Variants in LRP3 observed in about 807,000 individuals in gnomAD.
The protein encoded by LRP3 is LDL receptor related protein 3, also known as low-density lipoprotein receptor-related protein 3.
LRP3 carries 49 observed loss-of-function variants against 58.5 expected under a neutral mutation model. That is an observed-to-expected ratio of 0.84 (90% CI 0.67 to 1.06). LRP3 has a LOEUF of 1.06. Among genes scored for constraint, LRP3 ranks in the 50% least tolerant of loss-of-function variants. The pLI is 0.00. For synonymous variants in LRP3, 485 were observed against 492.2 expected (o/e 0.99, Z 0.20); for missense variants, 1,019 against 1,134.2 (o/e 0.90, Z 1.46).
At chr19:33,197,778 C>T (rs531861225) in intron 2 of LRP3, among the ~76,000 whole-genome samples, 4 of 152,254 alleles carry the variant, frequency 2.6e-5, no homozygotes, top group East Asian at 1.9e-4. Context: ...AGAAAGGACC[C>T]GGAGCTGTCA....
chr19:33,202,393 C>T (rs1974350297), intron 2 of LRP3, among the ~76,000 whole-genome samples: 4 of 152,214 alleles, frequency 2.6e-5, no homozygotes, highest in Admixed American at 2.6e-4. Context: ...GTAGTAGGTG[C>T]TCAGTAAATA....
intron 2 of LRP3, among the ~76,000 whole-genome samples, chr19:33,200,621 C>T (rs752977916): frequency 2.6e-5 from 4 of 152,200 alleles, no homozygotes; most frequent in African/African-American, 4.8e-5. Context: ...TAGCCTCACC[C>T]GGCAAAGGGA....
At position 33,205,774 on chromosome 19, in the gene LRP3, G is replaced by A. The variant is rs765351191; in HGVS notation, c.1004G>A (p.Ser335Asn). 4.4e-6 allele frequency: 7 copies of A among 1,588,564 alleles called. No homozygotes were observed. Among genetic ancestry groups the A allele is most frequent in the Non-Finnish European group, 6.0e-6 (7 of 1,171,014 alleles). ...TACCGCAGCAACCACCGGCCCGTGA[G>A]CCTGGAGGCCGCCCAGGGCCGCCTC... The part of the protein sequence containing the change: ...LSYRSNHRPV[S>N]LEAAQGRLTV... Residue 335 changes from serine (S) to asparagine (N), a missense_variant, in exon 5 of 7, where the codon AGC becomes AAC. Around this residue, in one of 2 missense-constraint regions of LRP3, gnomAD observed 592 missense variants for 725.5 expected, o/e 0.82. Transcript: ENST00000253193.
At chr19:33,195,592 AC>A (rs766640649) in intron 1 of LRP3, among the ~76,000 whole-genome samples, 159 of 152,292 alleles carry the variant, frequency 1.0e-3, no homozygotes, top group Non-Finnish European at 1.8e-3. Context: ...ATTAGGGGAC[AC>A]CCTGTGATGT....
chr19:33,194,916 C>T, intron 1 of LRP3, 58 bp downstream of exon 1: 1 of 933,450 alleles, frequency 1.1e-6, no homozygotes, highest in Non-Finnish European at 1.3e-6. Flanking sequence ...GTCCGCGCCG[C>T]GCCCTGACCG....
In LRP3 at chr19:33,203,233, T is replaced by C. The variant is rs80291366; in HGVS notation, c.260+247T>C. ...GTGAGTAGGTGTGTGTGCATGCAGATGTGTGTGTGTGAGGTAGGCGTGTGT... is the reference window on the plus strand; with the variant it reads ...GTGAGTAGGTGTGTGTGCATGCAGACGTGTGTGTGTGAGGTAGGCGTGTGT... On this transcript the variant is annotated intron_variant, in intron 3 of 6. Coordinates refer to ENST00000253193, the MANE Select transcript of LRP3 (RefSeq NM_002333.4). Among the ~76,000 whole-genome samples, 978 of 150,412 alleles carry C rather than the reference T, an allele frequency of 6.5e-3. 12 individuals are homozygous for C. Among genetic ancestry groups the C allele is most frequent in the African/African-American group, 0.023 (940 of 40,348 alleles).
rs576317275 is a variant in LRP3 at position 33,207,619 on chromosome 19, A to G, written c.*44A>G. 2 of 1,400,900 alleles carry G rather than the reference A, an allele frequency of 1.4e-6. No individual in the cohort carries two copies. Among genetic ancestry groups the G allele is most frequent in the African/African-American group, 1.4e-5 (1 of 71,278 alleles). 86.8% of individuals were successfully genotyped at this position (1,400,900 alleles called of 1,614,324 possible). A position where few individuals can be genotyped will look rare whatever the true frequency, so the allele number is the denominator to read the frequency against. ...ACCGCCACAGCCCCGCTTTGTAACC[A>G]GGGAATACACAGTCATTTCTACCCT... is the stretch of plus-strand genomic sequence containing the variant. On this transcript the variant is annotated 3_prime_UTR_variant, in exon 7 of 7. Transcript: ENST00000253193.
At chr19:33,198,234 G>T (rs1422964221) in intron 2 of LRP3, among the ~76,000 whole-genome samples, 2 of 152,198 alleles carry the variant, frequency 1.3e-5, no homozygotes, top group African/African-American at 4.8e-5. Context: ...GCCAGTCATG[G>T]AGCTTGGGCG....
chr19:33,201,967 A>G (rs946720158), intron 2 of LRP3, among the ~76,000 whole-genome samples: 6 of 152,098 alleles, frequency 3.9e-5, no homozygotes, highest in African/African-American at 1.4e-4. Flanking sequence ...GCTCAACCTG[A>G]GCGGTATACA....
intron 2 of LRP3, 146 bp from the exon 3 acceptor site, chr19:33,202,702 T>C (rs1749379512): frequency 1.2e-6 from 1 of 869,200 alleles, no homozygotes; most frequent in Non-Finnish European, 1.7e-6. Context: ...AAGTCACAAG[T>C]TGTGGCCTTG....
At chr19:33,206,793 G>T in intron 6 of LRP3, 60 bp downstream of exon 6, 3 of 1,473,986 alleles carry the variant, frequency 2.0e-6, no homozygotes, top group Non-Finnish European at 1.8e-6. Flanking sequence ...TGCGGAGGAG[G>T]CTGGTCCAGG....
chr19:33,206,742 C>T lies in LRP3; in HGVS notation c.1725+9C>T. ...TCTACAGTGCGTCCCAGGTGAGCCCCCGGAGGGCGTGAGGCCCCTCCGGGG... is the reference window on the plus strand; with the variant it reads ...TCTACAGTGCGTCCCAGGTGAGCCCTCGGAGGGCGTGAGGCCCCTCCGGGG... On this transcript the variant is annotated intron_variant, in intron 6 of 6. Coordinates refer to ENST00000253193, the MANE Select transcript of LRP3 (RefSeq NM_002333.4). The T allele has an allele frequency of 6.6e-7, 1 of 1,511,306 alleles. No individual in the cohort carries two copies. The highest frequency in any genetic ancestry group is 8.8e-7 in the Non-Finnish European group (1 of 1,130,614). 93.6% of individuals were successfully genotyped at this position (1,511,306 alleles called of 1,614,324 possible). A position where few individuals can be genotyped will look rare whatever the true frequency, so the allele number is the denominator to read the frequency against.
chr19:33,198,861 A>G (rs973221705), intron 2 of LRP3, among the ~76,000 whole-genome samples: 3 of 152,224 alleles, frequency 2.0e-5, no homozygotes, highest in Non-Finnish European at 2.9e-5. Flanking sequence ...TCGTCGGATT[A>G]CACCAGGCAG....
At chr19:33,204,966 C>A (rs1178983219) in intron 4 of LRP3, 114 bp downstream of exon 4, 1 of 957,842 alleles carries the variant, frequency 1.0e-6, no homozygotes, top group Non-Finnish European at 1.6e-6. Context: ...TGTGGGATGT[C>A]CCCTGACCGC....
chr19:33,201,097 GGA>G (rs1974336706), intron 2 of LRP3, among the ~76,000 whole-genome samples: 1 of 152,182 alleles, frequency 6.6e-6, no homozygotes, highest in Admixed American at 6.5e-5. Flanking sequence ...CCACATCTCT[GGA>G]GCACCTGCCA....
At position 33,206,081 on chromosome 19, in the gene LRP3, C is replaced by T. The variant is rs953693811; in HGVS notation, c.1311C>T (p.Cys437=). ...TGTGCTACACGCCTGCCGACCGCTGCAACAACCAGAAAAGCTGTCCCGACG... is the reference window on the plus strand; with the variant it reads ...TGTGCTACACGCCTGCCGACCGCTGTAACAACCAGAAAAGCTGTCCCGACG... The part of the protein sequence containing the change: ...SGLCYTPADR[C]NNQKSCPDGA... Residue 437 remains cysteine (C), a synonymous_variant, in exon 5 of 7, where the codon TGC becomes TGT. Coordinates refer to ENST00000253193, the MANE Select transcript of LRP3 (RefSeq NM_002333.4). The T allele has an allele frequency of 6.2e-7, 1 of 1,608,924 alleles. No individual in the cohort carries two copies. Among genetic ancestry groups the T allele is most frequent in the Non-Finnish European group, 8.5e-7 (1 of 1,178,540 alleles).
chr19:33,205,079 C>A, intron 4 of LRP3, 167 bp from the exon 5 acceptor site: 1 of 831,082 alleles, frequency 1.2e-6, no homozygotes, highest in Admixed American at 2.6e-5. Flanking sequence ...TGGGAACTCA[C>A]CCCTAACCCC....
At chr19:33,200,105 T>C (rs141381270) in intron 2 of LRP3, among the ~76,000 whole-genome samples, 142 of 152,328 alleles carry the variant, frequency 9.3e-4, no homozygotes, top group African/African-American at 3.3e-3. Context: ...CACTTCAGCT[T>C]AGCATGCGCT....
Position 33,194,845 on chromosome 19 carries a change from C to T in LRP3, c.60C>T (p.Ala20=). 1 of 1,117,630 alleles carries T rather than the reference C, an allele frequency of 8.9e-7. No individual in the cohort carries two copies. Among genetic ancestry groups the T allele is most frequent in the Non-Finnish European group, 1.1e-6 (1 of 915,884 alleles). 69.2% of individuals were successfully genotyped at this position (1,117,630 alleles called of 1,614,324 possible). ...EGAPGARAQL[A]VVCLVNIFLT... is the part of the protein sequence containing the mutation. ...CGCCGGGCGCCCGGGCGCAGCTGGC[C>T]GTCGTCTGTCTGGGTGAGTGGGCCG... is the stretch of plus-strand genomic sequence containing the variant. The change falls in exon 1 of 7, where the codon GCC becomes GCT. Residue 20 remains alanine (A), a synonymous_variant. Transcript: ENST00000253193.
Sources: gnomAD v4.1 joint callset for allele counts (sites outside exome capture counted in the v4.1 genomes callset) on GRCh38, gnomAD v4.1.1 for gene constraint, gnomAD v4.1.1 regional missense constraint, MANE v1.5 for transcripts, NCBI Gene and HGNC (gene_info 2026-07-23, HGNC 2026-07-21) for gene names.